Variants in HS6ST3 observed in about 807,000 individuals in gnomAD.
The protein encoded by HS6ST3 is heparan sulfate 6-O-sulfotransferase 3.
HS6ST3 carries 12 observed loss-of-function variants against 36.7 expected under a neutral mutation model. That is an observed-to-expected ratio of 0.33 (90% confidence interval 0.21 to 0.53). The LOEUF is 0.53. Ranked by LOEUF, HS6ST3 falls within the 20% of genes least tolerant of loss-of-function variation. The probability of loss-of-function intolerance (pLI) is 0.95; values close to 1 mark genes in which losing one functional copy is unlikely to be tolerated. For missense variants in HS6ST3, 584 were observed against 640.9 expected (o/e 0.91, Z 0.96); for synonymous variants, 240 against 257.5 (o/e 0.93, Z 0.65).
intron 1 of HS6ST3, among the ~76,000 whole-genome samples, chr13:96,658,259 CTTCTTCTTCTTTTTTTTTTTTTT>C (rs2056632723): frequency 1.2e-5 from 1 of 80,390 alleles, no homozygotes; most frequent in African/African-American, 4.7e-5. Flanking sequence ...TTCTTCTTCT[CTTCTTCTTCTTTTTTTTTTTTTT>C]TTTTTTTTTT....
intron 1 of HS6ST3, among the ~76,000 whole-genome samples, chr13:96,551,800 T>A (rs1363998900): frequency 6.6e-6 from 1 of 152,192 alleles, no homozygotes; most frequent in Non-Finnish European, 1.5e-5. Context: ...GCATACTTTC[T>A]CACTTGAGGA....
At chr13:96,493,386 G>A (rs558538855) in intron 1 of HS6ST3, among the ~76,000 whole-genome samples, 15 of 152,126 alleles carry the variant, frequency 9.9e-5, no homozygotes, top group Middle Eastern at 3.4e-3. Context: ...CCAATAGAGC[G>A]TTTTGCTACA....
chr13:96,698,202 C>A (rs559418054), intron 1 of HS6ST3, among the ~76,000 whole-genome samples: 1 of 152,132 alleles, frequency 6.6e-6, no homozygotes, highest in African/African-American at 2.4e-5. Context: ...CTGCTCCCCC[C>A]ACCCCACAAC....
intron 1 of HS6ST3, among the ~76,000 whole-genome samples, chr13:96,762,411 TG>T (rs1876992788): frequency 6.6e-6 from 1 of 152,158 alleles, no homozygotes; most frequent in Non-Finnish European, 1.5e-5. Context: ...ACCCAGGAGA[TG>T]GAGGTTGCAG....
intron 1 of HS6ST3, among the ~76,000 whole-genome samples, chr13:96,736,623 G>T (rs968162721): frequency 6.6e-6 from 1 of 152,028 alleles, no homozygotes; most frequent in Admixed American, 6.6e-5. Flanking sequence ...TGTGTATATG[G>T]ATACAGATAG....
chr13:96,421,796 A>G (rs1172664888), intron 1 of HS6ST3, among the ~76,000 whole-genome samples: 1 of 152,082 alleles, frequency 6.6e-6, no homozygotes, highest in East Asian at 1.9e-4. Context: ...TTGCATATCT[A>G]TTTTCCATGC....
At chr13:96,112,164 T>C (rs998163078) in intron 1 of HS6ST3, among the ~76,000 whole-genome samples, 1 of 152,158 alleles carries the variant, frequency 6.6e-6, no homozygotes, top group African/African-American at 2.4e-5. Flanking sequence ...ATGTGTGATA[T>C]AGTAGTCCTT....
At chr13:96,399,751 C>T (rs183888678) in intron 1 of HS6ST3, among the ~76,000 whole-genome samples, 16 of 152,306 alleles carry the variant, frequency 1.1e-4, no homozygotes, top group East Asian at 5.8e-4. Flanking sequence ...TCTCTTCTTA[C>T]GGGCTTTCAA....
intron 1 of HS6ST3, among the ~76,000 whole-genome samples, chr13:96,644,579 CAG>C (rs1240892311): frequency 6.6e-6 from 1 of 151,964 alleles, no homozygotes; most frequent in Non-Finnish European, 1.5e-5. Context: ...GGCACTGCCT[CAG>C]GGGTGCAGAA....
chr13:96,510,700 T>C (rs2056046161), intron 1 of HS6ST3, among the ~76,000 whole-genome samples: 1 of 151,908 alleles, frequency 6.6e-6, no homozygotes, highest in Non-Finnish European at 1.5e-5. Flanking sequence ...AATCCCTCTT[T>C]TAAAAAAATT....
chr13:96,290,016 C>T (rs894342760), intron 1 of HS6ST3, among the ~76,000 whole-genome samples: 1 of 152,178 alleles, frequency 6.6e-6, no homozygotes, highest in Non-Finnish European at 1.5e-5. Context: ...ACTTATCTTC[C>T]GAGAAGTCTA....
chr13:96,250,081 A>G (rs1043089024), intron 1 of HS6ST3, among the ~76,000 whole-genome samples: 1 of 152,178 alleles, frequency 6.6e-6, no homozygotes, highest in Non-Finnish European at 1.5e-5. Context: ...AAATAGATAA[A>G]ATGGTAAACT....
At chr13:96,616,948 T>C (rs1296575919) in intron 1 of HS6ST3, among the ~76,000 whole-genome samples, 3 of 152,140 alleles carry the variant, frequency 2.0e-5, no homozygotes, top group Non-Finnish European at 2.9e-5. Flanking sequence ...GAGATAATAG[T>C]GGTTAAAAGG....
At chr13:96,415,815 C>A (rs2055530192) in intron 1 of HS6ST3, among the ~76,000 whole-genome samples, 1 of 152,198 alleles carries the variant, frequency 6.6e-6, no homozygotes, top group Non-Finnish European at 1.5e-5. Context: ...CTCCACTTAT[C>A]TTATTTTGAT....
chr13:96,813,737 A>G (rs1310488040), intron 1 of HS6ST3, among the ~76,000 whole-genome samples: 1 of 152,230 alleles, frequency 6.6e-6, no homozygotes, highest in East Asian at 1.9e-4. Context: ...AAAATCAAAA[A>G]GCCAATAAAC....
intron 1 of HS6ST3, among the ~76,000 whole-genome samples, chr13:96,746,775 T>A (rs538924335): frequency 6.6e-6 from 1 of 152,128 alleles, no homozygotes; most frequent in South Asian, 2.1e-4. Flanking sequence ...AATGGTATTA[T>A]ATCTTTTGAT....
At chr13:96,417,922 T>G (rs1044514128) in intron 1 of HS6ST3, among the ~76,000 whole-genome samples, 3 of 152,156 alleles carry the variant, frequency 2.0e-5, no homozygotes, top group Admixed American at 1.3e-4. Flanking sequence ...ATCCTTGTTT[T>G]ATGTGTGTTT....
In HS6ST3 at chr13:96,091,583, C is replaced by T. The variant is rs1423754428; in HGVS notation, c.707+14C>T. ...CAGCCACACCAGGTACTGTCGCCCGCTGGGTCTCTGTTCTTCCCCCCCACC... is the reference window on the plus strand; with the variant it reads ...CAGCCACACCAGGTACTGTCGCCCGTTGGGTCTCTGTTCTTCCCCCCCACC... On this transcript the variant is annotated intron_variant, in intron 1 of 1. Coordinates refer to ENST00000376705, the MANE Select transcript of HS6ST3 (RefSeq NM_153456.4). The T allele has an allele frequency of 6.4e-7, 1 of 1,551,110 alleles. No individual in the cohort carries two copies. The highest frequency in any genetic ancestry group is 8.7e-7 in the Non-Finnish European group (1 of 1,154,310).
At chr13:96,673,460 G>A (rs1377803905) in intron 1 of HS6ST3, among the ~76,000 whole-genome samples, 3 of 152,148 alleles carry the variant, frequency 2.0e-5, no homozygotes, top group East Asian at 3.9e-4. Flanking sequence ...TCAAAATGAA[G>A]TGTTTAGTCT....
Sources: gnomAD v4.1 joint callset for allele counts (sites outside exome capture counted in the v4.1 genomes callset) on GRCh38, gnomAD v4.1.1 for gene constraint, MANE v1.5 for transcripts, NCBI Gene and HGNC (gene_info 2026-07-23, HGNC 2026-07-21) for gene names.